HS3ST3B1: variants seen among roughly 807,000 people sequenced by gnomAD.
HS3ST3B1 encodes heparan sulfate-glucosamine 3-sulfotransferase 3B1, also known as heparan sulfate glucosamine 3-O-sulfotransferase 3B1.
HS3ST3B1 carries 13 observed loss-of-function variants against 21.3 expected under a neutral mutation model. The ratio of observed to expected loss-of-function variants is 0.61; its 90% CI spans 0.40 to 0.97. The LOEUF is 0.97. HS3ST3B1 is among the 50% of genes least tolerant of loss of function. The pLI is 0.00. For missense variants in HS3ST3B1, 459 were observed against 554.8 expected (o/e 0.83, Z 1.73); for synonymous variants, 234 against 254.8 (o/e 0.92, Z 0.78).
At chr17:14,329,083 G>A (rs1287337499) in intron 1 of HS3ST3B1, 1 of 152,046 alleles carries the variant, frequency 6.6e-6, no homozygotes, top group Non-Finnish European at 1.5e-5. Context: ...GCTGGATGGA[G>A]CCATTATCTC....
chr17:14,334,467 T>C (rs554964187), intron 1 of HS3ST3B1, among the ~76,000 whole-genome samples: 3 of 152,146 alleles, frequency 2.0e-5, no homozygotes, highest in African/African-American at 7.2e-5. Flanking sequence ...TCCTCTTTCC[T>C]CAGGGCCTCT....
chr17:14,334,971 G>C (rs1241037601), intron 1 of HS3ST3B1, among the ~76,000 whole-genome samples: 1 of 152,100 alleles, frequency 6.6e-6, no homozygotes, highest in Non-Finnish European at 1.5e-5. Flanking sequence ...GAGTGGGGAG[G>C]GGGGAAATCT....
chr17:14,301,694 CG>C lies in HS3ST3B1; in HGVS notation c.180del (p.Leu61CysfsTer85). On this transcript the variant is annotated frameshift_variant, in exon 1 of 2. Coordinates refer to ENST00000360954, the MANE Select transcript of HS3ST3B1 (RefSeq NM_006041.3). LOFTEE classifies it high-confidence loss of function. The part of the protein sequence containing the change: ...YSCAGSCAAA[P>X]GLLLLGSGSR... The stretch of plus-strand genomic sequence containing the variant: ...TGCGCCGGCTCCTGCGCCGCCGCGC[CG>C]GGGCTGCTGCTCCTGGGCTCTGGGT... 6.2e-7 allele frequency: 1 copy of C among 1,601,116 alleles called. No homozygotes were observed. The highest frequency in any genetic ancestry group is 8.5e-7 in the Non-Finnish European group (1 of 1,175,954).
At chr17:14,328,108 A>G (rs930360628) in intron 1 of HS3ST3B1, 8 of 152,240 alleles carry the variant, frequency 5.3e-5, no homozygotes, top group African/African-American at 1.9e-4. Context: ...TCTAAAGCAC[A>G]GAAGAGTTGC....
intron 1 of HS3ST3B1, among the ~76,000 whole-genome samples, chr17:14,306,010 C>A (rs1221141975): frequency 6.6e-6 from 1 of 152,172 alleles, no homozygotes; most frequent in East Asian, 1.9e-4. Flanking sequence ...CTGGACCATT[C>A]TGGATCACAC....
chr17:14,323,701 C>A (rs1478938747), intron 1 of HS3ST3B1, among the ~76,000 whole-genome samples: 3 of 152,122 alleles, frequency 2.0e-5, no homozygotes, highest in Non-Finnish European at 4.4e-5. Flanking sequence ...TGATTCCATT[C>A]CTCAGTTTGT....
chr17:14,329,986 A>AT (rs1341730890), intron 1 of HS3ST3B1, among the ~76,000 whole-genome samples: 1 of 152,186 alleles, frequency 6.6e-6, no homozygotes, highest in Non-Finnish European at 1.5e-5. Flanking sequence ...TCTTGGAAGA[A>AT]TTTTTTTGTA....
intron 1 of HS3ST3B1, among the ~76,000 whole-genome samples, chr17:14,310,281 G>A (rs1452976115): frequency 6.6e-6 from 1 of 152,022 alleles, no homozygotes; most frequent in African/African-American, 2.4e-5. Context: ...CACACGCCAG[G>A]CTCGTCCTCC....
intron 1 of HS3ST3B1, among the ~76,000 whole-genome samples, chr17:14,313,095 T>TGTG (rs1909365665): frequency 2.7e-5 from 3 of 109,666 alleles, no homozygotes; most frequent in Non-Finnish European, 3.6e-5. Context: ...GTGTGTGTGG[T>TGTG]GTGTGTGTGT....
chr17:14,319,497 T>C (rs951147891), intron 1 of HS3ST3B1, among the ~76,000 whole-genome samples: 1 of 152,190 alleles, frequency 6.6e-6, no homozygotes, highest in South Asian at 2.1e-4. Flanking sequence ...GATTTTCGTT[T>C]CGTTTCTTAG....
intron 1 of HS3ST3B1, among the ~76,000 whole-genome samples, chr17:14,316,743 GAACACTGA>G (rs974464868): frequency 6.6e-6 from 1 of 152,184 alleles, no homozygotes; most frequent in African/African-American, 2.4e-5. Context: ...TGGCCAAGGG[GAACACTGA>G]AAAGTGTCCT....
chr17:14,303,131 C>G lies in HS3ST3B1; in HGVS notation c.554+1059C>G, dbSNP rs542670906. 6.6e-6 allele frequency among the ~76,000 whole-genome samples: 1 copy of G among 152,210 alleles called. No homozygotes were observed. The highest frequency in any genetic ancestry group is 1.9e-4 in the East Asian group (1 of 5,140). ...GTGGGCAGGAGGTCTAGATTTCGGC[C>G]TCCGATAACTGTCTTCGACTAGGGG... On this transcript the variant is annotated intron_variant, in intron 1 of 1. Transcript: ENST00000360954. The surrounding 1 kb of genome is among the most constrained non-coding windows in gnomAD (Gnocchi z 5.7).
chr17:14,343,843 G>A (rs190946905), intron 1 of HS3ST3B1, among the ~76,000 whole-genome samples: 74 of 151,660 alleles, frequency 4.9e-4, no homozygotes, highest in African/African-American at 1.4e-3. Context: ...TTCAATTCCT[G>A]TGTATATCTA....
intron 1 of HS3ST3B1, among the ~76,000 whole-genome samples, chr17:14,306,711 C>A (rs1166363498): frequency 6.6e-6 from 1 of 152,106 alleles, no homozygotes; most frequent in African/African-American, 2.4e-5. Context: ...TCTGTCTTCA[C>A]TGAGGGAAAT....
At position 14,303,359 on chromosome 17, in the gene HS3ST3B1, G is replaced by A. The variant is rs1054164952; in HGVS notation, c.554+1287G>A. On this transcript the variant is annotated intron_variant, in intron 1 of 1. Coordinates refer to ENST00000360954, the MANE Select transcript of HS3ST3B1 (RefSeq NM_006041.3). The surrounding 1 kb of genome is among the most constrained non-coding windows in gnomAD (Gnocchi z 5.7). ...GTGGGTTGGAGAATAAAAGAGGGCTGACCCCGCGGATTAAAACGGCTCCCT... is the reference window on the plus strand; with the variant it reads ...GTGGGTTGGAGAATAAAAGAGGGCTAACCCCGCGGATTAAAACGGCTCCCT... Among the ~76,000 whole-genome samples, 13 of 152,158 alleles carry A rather than the reference G, an allele frequency of 8.5e-5. No homozygotes were observed. Among genetic ancestry groups the A allele is most frequent in the Non-Finnish European group, 1.9e-4 (13 of 68,022 alleles).
At chr17:14,324,863 C>T (rs926287741) in intron 1 of HS3ST3B1, among the ~76,000 whole-genome samples, 1 of 152,216 alleles carries the variant, frequency 6.6e-6, no homozygotes, top group Non-Finnish European at 1.5e-5. Context: ...ATCCTCCCAT[C>T]TTGGCCTTCC....
At chr17:14,319,126 G>A (rs527358797) in intron 1 of HS3ST3B1, among the ~76,000 whole-genome samples, 63 of 152,218 alleles carry the variant, frequency 4.1e-4, no homozygotes, top group Non-Finnish European at 6.6e-4. Context: ...GACAGCAGCG[G>A]TCTGGGCTGC....
chr17:14,315,499 G>T (rs182284639), intron 1 of HS3ST3B1, among the ~76,000 whole-genome samples: 1 of 152,290 alleles, frequency 6.6e-6, no homozygotes, highest in African/African-American at 2.4e-5. Context: ...ACCACACTTT[G>T]AGATGCGCTA....
chr17:14,336,803 G>A (rs1363201534), intron 1 of HS3ST3B1, among the ~76,000 whole-genome samples: 1 of 152,166 alleles, frequency 6.6e-6, no homozygotes, highest in Non-Finnish European at 1.5e-5. Flanking sequence ...TCTTTTAAAT[G>A]AGAACTTAGT....
Sources: gnomAD v4.1 joint callset for allele counts (sites outside exome capture counted in the v4.1 genomes callset) on GRCh38, gnomAD v4.1.1 for gene constraint, Gnocchi (gnomAD v3.1) non-coding constraint, MANE v1.5 for transcripts, NCBI Gene and HGNC (gene_info 2026-07-23, HGNC 2026-07-21) for gene names.